Variants in MAML3 observed in about 807,000 individuals in gnomAD.
MAML3 encodes mastermind like transcriptional coactivator 3, also known as mastermind-like protein 3.
Under a neutral mutation model 101.9 loss-of-function variants are expected in MAML3, and 27 were observed. The observed-to-expected ratio is 0.27, with a 90% confidence interval of 0.20 to 0.37. MAML3 has a LOEUF of 0.37. Among genes scored for constraint, MAML3 ranks in the 10% least tolerant of loss-of-function variants. The pLI, the probability that MAML3 is intolerant of heterozygous loss-of-function variation, is 1.00. For missense variants in MAML3, 1,316 were observed against 1,444.9 expected, an observed-to-expected ratio of 0.91 and a Z score of 1.45; for synonymous variants, 501 against 555.9, an observed-to-expected ratio of 0.90 and a Z score of 1.39.
At chr4:139,865,640 T>C (rs1214717054) in intron 2 of MAML3, among the ~76,000 whole-genome samples, 2 of 152,176 alleles carry the variant, frequency 1.3e-5, no homozygotes, top group African/African-American at 4.8e-5. Flanking sequence ...ACTTATCCTC[T>C]TCCCCCCAAA....
At chr4:140,011,112 AG>A (rs1560865711) in intron 1 of MAML3, among the ~76,000 whole-genome samples, 1 of 119,992 alleles carries the variant, frequency 8.3e-6, no homozygotes, top group African/African-American at 3.0e-5. Flanking sequence ...AAAAAAAAAA[AG>A]TGTGTGTGTA....
intron 2 of MAML3, among the ~76,000 whole-genome samples, chr4:139,826,319 G>A (rs1731059853): frequency 6.6e-6 from 1 of 152,172 alleles, no homozygotes; most frequent in Non-Finnish European, 1.5e-5. Context: ...TTCCCTCACA[G>A]TGTGAATTCA....
intron 1 of MAML3, among the ~76,000 whole-genome samples, chr4:139,945,633 T>C (rs1219310185): frequency 6.6e-6 from 1 of 152,212 alleles, no homozygotes; most frequent in Non-Finnish European, 1.5e-5. Flanking sequence ...TTAAACTAGG[T>C]TCACAAACTT....
chr4:140,028,972 C>T (rs1007974439), intron 1 of MAML3, among the ~76,000 whole-genome samples: 4 of 152,120 alleles, frequency 2.6e-5, no homozygotes, highest in Non-Finnish European at 4.4e-5. Flanking sequence ...CACTTTTAGA[C>T]TGCGTCTGGT....
Position 140,153,500 on chromosome 4 carries a change from G to A in MAML3, c.-173C>T. The A allele has an allele frequency of 1.4e-6, 1 of 713,618 alleles. No individual in the cohort carries two copies. Among genetic ancestry groups the A allele is most frequent in the Non-Finnish European group, 2.1e-6 (1 of 469,090 alleles). The allele number at this position is 713,618 out of a possible 1,614,324, so 44.2% of individuals were successfully genotyped here. ...AAAAAAACGGGGGGGGAGATTTTGGGGTGGTTTTTGTTTCCTTTTTTTAAA... is the reference window on the plus strand; with the variant it reads ...AAAAAAACGGGGGGGGAGATTTTGGAGTGGTTTTTGTTTCCTTTTTTTAAA... On this transcript the variant is annotated 5_prime_UTR_variant, in exon 1 of 5. Coordinates refer to ENST00000509479, the MANE Select transcript of MAML3 (RefSeq NM_018717.5).
At chr4:140,108,679 G>C (rs968491156) in intron 1 of MAML3, among the ~76,000 whole-genome samples, 10 of 151,286 alleles carry the variant, frequency 6.6e-5, no homozygotes, top group African/African-American at 2.4e-4. Flanking sequence ...CAATCCATGT[G>C]TGGTGGATTA....
chr4:140,028,773 T>C (rs1347940384), intron 1 of MAML3, among the ~76,000 whole-genome samples: 1 of 152,162 alleles, frequency 6.6e-6, no homozygotes, highest in East Asian at 1.9e-4. Flanking sequence ...TCTAGTATGC[T>C]TTCCTTTCTC....
At chr4:140,146,937 C>A (rs2111061778) in intron 1 of MAML3, among the ~76,000 whole-genome samples, 1 of 151,960 alleles carries the variant, frequency 6.6e-6, no homozygotes, top group South Asian at 2.1e-4. Flanking sequence ...AGATCGACAC[C>A]ATCCTGGCCA....
chr4:139,920,822 T>A (rs1405510326), intron 1 of MAML3, among the ~76,000 whole-genome samples: 2 of 152,158 alleles, frequency 1.3e-5, no homozygotes, highest in Non-Finnish European at 2.9e-5. Flanking sequence ...GTGAGTGACC[T>A]GCAGGAGCCC....
intron 1 of MAML3, among the ~76,000 whole-genome samples, chr4:139,891,862 G>A (rs142313866): frequency 5.9e-5 from 9 of 152,210 alleles, no homozygotes; most frequent in East Asian, 3.9e-4. Flanking sequence ...CGTTTCCACC[G>A]GTTTCCACAA....
At chr4:140,104,693 A>G (rs757227201) in intron 1 of MAML3, among the ~76,000 whole-genome samples, 2 of 151,210 alleles carry the variant, frequency 1.3e-5, no homozygotes, top group South Asian at 2.1e-4. Context: ...AGGTTTCGCC[A>G]TGTTGCCCAG....
chr4:139,790,286 A>G (rs2111090367), intron 2 of MAML3, among the ~76,000 whole-genome samples: 1 of 146,412 alleles, frequency 6.8e-6, no homozygotes, highest in Admixed American at 6.9e-5. Context: ...TATAATATAT[A>G]CCCTATATAT....
At chr4:139,744,239 A>G (rs1729254446) in intron 2 of MAML3, among the ~76,000 whole-genome samples, 1 of 152,240 alleles carries the variant, frequency 6.6e-6, no homozygotes, top group African/African-American at 2.4e-5. Flanking sequence ...GTTTGAGAAC[A>G]TGGAGCCTCA....
intron 1 of MAML3, among the ~76,000 whole-genome samples, chr4:139,892,902 G>C (rs1043852454): frequency 1.4e-5 from 2 of 144,096 alleles, no homozygotes; most frequent in African/African-American, 5.3e-5. Context: ...CTGCACTCCA[G>C]CCTGGGTGAT....
At chr4:139,770,066 T>G (rs769076487) in intron 2 of MAML3, among the ~76,000 whole-genome samples, 3 of 152,126 alleles carry the variant, frequency 2.0e-5, no homozygotes, top group Non-Finnish European at 4.4e-5. Flanking sequence ...ACCACAGGTG[T>G]ATACTACCAT....
intron 1 of MAML3, among the ~76,000 whole-genome samples, chr4:140,109,792 GGCC>G (rs1728410315): frequency 6.6e-6 from 1 of 152,076 alleles, no homozygotes; most frequent in African/African-American, 2.4e-5. Flanking sequence ...GGCAGTTATA[GGCC>G]ACCTGCATCA....
At chr4:139,929,550 G>GA (rs1733336835) in intron 1 of MAML3, among the ~76,000 whole-genome samples, 1 of 152,156 alleles carries the variant, frequency 6.6e-6, no homozygotes, top group Non-Finnish European at 1.5e-5. Flanking sequence ...TCACTATTCA[G>GA]ATGCAGTTTA....
At chr4:139,926,507 G>A (rs1451688364) in intron 1 of MAML3, among the ~76,000 whole-genome samples, 2 of 152,200 alleles carry the variant, frequency 1.3e-5, no homozygotes, top group South Asian at 2.1e-4. Flanking sequence ...GGCTGTGGCA[G>A]GAGAATTGCT....
At chr4:139,738,244 C>T (rs564397064) in intron 2 of MAML3, among the ~76,000 whole-genome samples, 1 of 152,306 alleles carries the variant, frequency 6.6e-6, no homozygotes, top group South Asian at 2.1e-4. Flanking sequence ...TAAAGGGGAA[C>T]AAGACTTGTC....
Sources: allele counts gnomAD v4.1 joint callset (sites outside exome capture counted in the v4.1 genomes callset), GRCh38; gene constraint gnomAD v4.1.1; transcripts MANE v1.5; gene names NCBI Gene and HGNC (gene_info 2026-07-23, HGNC 2026-07-21).